The following SLC15A1 variants were observed in gnomAD, a reference collection of about 807,000 sequenced individuals.
The protein encoded by SLC15A1 is Caco-2 oligopeptide transporter.
A neutral mutation model predicts 92.9 loss-of-function variants in SLC15A1; 83 were observed. The observed-to-expected ratio is 0.89, with a 90% CI of 0.75 to 1.07. The LOEUF (loss-of-function observed/expected upper bound fraction) is 1.07, where lower values mean the gene tolerates loss of function less well. Ranked by LOEUF, SLC15A1 falls within the 50% of genes least tolerant of loss-of-function variation. The probability of loss-of-function intolerance (pLI) is 0.00; values close to 1 mark genes in which losing one functional copy is unlikely to be tolerated. For missense variants in SLC15A1, 857 were observed against 880.1 expected (o/e 0.97, Z 0.33); for synonymous variants, 322 against 318.2 (o/e 1.01, Z -0.13).
chr13:98,702,192 T>A (rs2088073593), intron 18 of SLC15A1, among the ~76,000 whole-genome samples: 1 of 152,216 alleles, frequency 6.6e-6, no homozygotes, highest in East Asian at 1.9e-4. Context: ...GTAAGGAAGT[T>A]CCCTTCTATT....
Position 98,688,295 on chromosome 13 carries a change from A to T in SLC15A1, c.1636T>A (p.Phe546Ile). The T allele has an allele frequency of 6.2e-7, 1 of 1,614,086 alleles. No homozygotes were observed. Among genetic ancestry groups the T allele is most frequent in the South Asian group, 1.1e-5 (1 of 91,072 alleles). ...PPQCQPNFNT[F>I]YLEFGSAYTY... is the part of the protein sequence containing the mutation. ...TAAGCACTACCAAATTCAAGGTAGA[A>T]AGTATTGAAATTAGGTTGACATTGT... The change falls in exon 20 of 23, where the codon TTC (phenylalanine) becomes ATC (isoleucine). Residue 546 changes from phenylalanine (F) to isoleucine (I), a missense_variant. Coordinates refer to ENST00000376503, the MANE Select transcript of SLC15A1 (RefSeq NM_005073.4).
chr13:98,745,885 T>C lies in SLC15A1; in HGVS notation c.4+6710A>G, dbSNP rs192249738. Among the ~76,000 whole-genome samples the C allele has an allele frequency of 2.1e-3, 325 of 152,314 alleles. 1 individual carries two copies. The highest frequency in any genetic ancestry group is 3.7e-3 in the Non-Finnish European group (255 of 68,026). On this transcript the variant is annotated intron_variant, in intron 1 of 22. Coordinates refer to ENST00000376503, the MANE Select transcript of SLC15A1 (RefSeq NM_005073.4). ...CTTGTAACATTATTTATTTACCATT[T>C]TAACTTCGATTTTAGGGGTACATGT...
At chr13:98,686,947 TTC>T (rs2087933706) in intron 21 of SLC15A1, among the ~76,000 whole-genome samples, 3 of 119,708 alleles carry the variant, frequency 2.5e-5, no homozygotes, top group East Asian at 5.3e-4. Flanking sequence ...TTTCTTTTTC[TTC>T]TTTTTTTTTT....
At chr13:98,699,038 T>C (rs2088045800) in intron 18 of SLC15A1, among the ~76,000 whole-genome samples, 1 of 152,160 alleles carries the variant, frequency 6.6e-6, no homozygotes, top group Non-Finnish European at 1.5e-5. Context: ...TCTTGATTTA[T>C]AAATACTGTC....
chr13:98,685,238 G>A (rs544610673), intron 22 of SLC15A1, among the ~76,000 whole-genome samples: 1 of 152,314 alleles, frequency 6.6e-6, no homozygotes, highest in African/African-American at 2.4e-5. Flanking sequence ...TGGGGACCAA[G>A]AGAACAGCAA....
chr13:98,699,916 G>T (rs1056859517), intron 18 of SLC15A1, among the ~76,000 whole-genome samples: 27 of 152,044 alleles, frequency 1.8e-4, no homozygotes, highest in Middle Eastern at 3.2e-3. Flanking sequence ...ATCTCCTTTG[G>T]TGACATAGCT....
intron 15 of SLC15A1, among the ~76,000 whole-genome samples, chr13:98,707,852 T>A (rs1160968252): frequency 7.7e-6 from 1 of 129,446 alleles, no homozygotes; most frequent in Non-Finnish European, 1.5e-5. Context: ...ATCGCACCAC[T>A]GCACTCCAGC....
At chr13:98,690,638 T>C (rs1593979262) in intron 18 of SLC15A1, among the ~76,000 whole-genome samples, 1 of 152,088 alleles carries the variant, frequency 6.6e-6, no homozygotes, top group Non-Finnish European at 1.5e-5. Context: ...AACTTAATGA[T>C]GGGGATGGGG....
chr13:98,715,815 A>G, intron 9 of SLC15A1, 63 bp downstream of exon 9: 7 of 1,324,870 alleles, frequency 5.3e-6, no homozygotes, highest in Admixed American at 1.9e-5. Flanking sequence ...ATTTTAATTT[A>G]AAGAAAGTAG....
chr13:98,689,917 T>A (rs889991795), intron 18 of SLC15A1, among the ~76,000 whole-genome samples: 31 of 152,192 alleles, frequency 2.0e-4, no homozygotes, highest in African/African-American at 7.2e-4. Flanking sequence ...CTACGCTTCA[T>A]ATGGAAGCAG....
In SLC15A1 at chr13:98,721,885, G is replaced by A; in HGVS notation, c.384C>T (p.Gly128=). 6.2e-7 allele frequency: 1 copy of A among 1,613,904 alleles called. No individual in the cohort carries two copies. The highest frequency in any genetic ancestry group is 1.1e-5 in the South Asian group (1 of 91,012). ...CAGTCCCGAGAGCTATCAGGGCCAG[G>A]CCGATCAAGGACAGCACCCTGGGAA... ...LPVHVVLSLI[G]LALIALGTGG... is the part of the protein sequence containing the mutation. The change falls in exon 6 of 23, where the codon GGC becomes GGT. Residue 128 remains glycine, a synonymous_variant. Transcript: ENST00000376503.
chr13:98,695,834 TCA>T (rs949550572), intron 18 of SLC15A1, among the ~76,000 whole-genome samples: 2 of 152,180 alleles, frequency 1.3e-5, no homozygotes, highest in Non-Finnish European at 2.9e-5. Context: ...TTCCTTTAAT[TCA>T]CATATTGCTC....
chr13:98,739,371 C>T (rs2088421851), intron 1 of SLC15A1, among the ~76,000 whole-genome samples: 1 of 152,154 alleles, frequency 6.6e-6, no homozygotes, highest in African/African-American at 2.4e-5. Flanking sequence ...GGGAATGATA[C>T]AGTTTGAATG....
intron 18 of SLC15A1, among the ~76,000 whole-genome samples, chr13:98,699,907 T>C (rs1001185652): frequency 1.3e-5 from 2 of 152,214 alleles, no homozygotes; most frequent in African/African-American, 2.4e-5. Flanking sequence ...TGTGTGTATA[T>C]CTCCTTTGGT....
chr13:98,696,012 A>G (rs2088017781), intron 18 of SLC15A1, among the ~76,000 whole-genome samples: 1 of 151,950 alleles, frequency 6.6e-6, no homozygotes, highest in South Asian at 2.1e-4. Context: ...AATTAAAAGG[A>G]AAAAAGCTTC....
At chr13:98,699,780 T>C (rs1383451342) in intron 18 of SLC15A1, among the ~76,000 whole-genome samples, 1 of 152,198 alleles carries the variant, frequency 6.6e-6, no homozygotes, top group Non-Finnish European at 1.5e-5. Flanking sequence ...ACACTTGGTA[T>C]TGTCAAGGTT....
At chr13:98,706,337 C>T (rs1171730100) in intron 15 of SLC15A1, 84 bp from the exon 16 acceptor site, 1 of 1,519,522 alleles carries the variant, frequency 6.6e-7, no homozygotes, top group African/African-American at 1.4e-5. Context: ...GGGTGCTTTC[C>T]TCCAGCTGGG....
At chr13:98,696,977 G>C (rs77543361) in intron 18 of SLC15A1, among the ~76,000 whole-genome samples, 3,067 of 152,268 alleles carry the variant, frequency 0.02, 46 homozygotes, top group Non-Finnish European at 0.032. Flanking sequence ...CGAGGAGACA[G>C]GCCTCAGGAG....
At chr13:98,747,036 C>A (rs577725636) in intron 1 of SLC15A1, among the ~76,000 whole-genome samples, 19 of 152,292 alleles carry the variant, frequency 1.2e-4, no homozygotes, top group South Asian at 2.1e-4. Context: ...TGGCCCCCCC[C>A]ACCCCGGCTG....
Sources: gnomAD v4.1 joint callset for allele counts (sites outside exome capture counted in the v4.1 genomes callset) on GRCh38, gnomAD v4.1.1 for gene constraint, MANE v1.5 for transcripts, NCBI Gene and HGNC (gene_info 2026-07-23, HGNC 2026-07-21) for gene names.